Variants in MEGF6 observed in about 807,000 individuals in gnomAD.
MEGF6 encodes multiple epidermal growth factor-like domains protein 6.
In MEGF6, 184 loss-of-function variants were observed where a neutral mutation model predicts 207.1. That is an observed-to-expected ratio of 0.89 (90% CI 0.79 to 1.00). The LOEUF is 1.00. Among genes scored for constraint, MEGF6 ranks in the 50% least tolerant of loss-of-function variants. The probability of loss-of-function intolerance (pLI) is 0.00; values close to 1 mark genes in which losing one functional copy is unlikely to be tolerated. For synonymous variants in MEGF6, 1,038 were observed against 910.0 expected (o/e 1.14, Z -2.53); for missense variants, 2,282 against 2,202.9 (o/e 1.04, Z -0.72).
rs1640308956 is a variant in MEGF6 at position 3,490,557 on chromosome 1, ATGTGGGT to A, written c.4590_4596del (p.Arg1530SerfsTer32). On this transcript the variant is annotated frameshift_variant, in exon 37 of 37. Transcript: ENST00000356575. LOFTEE classifies it low-confidence loss of function (END_TRUNC). Reference sequence around the variant, plus strand: ...TGCCTCGCTGGTCCACCGCTCCGGGATGTGGGTCTGCTGGAGGCGGGCAGTGTGCCCG... The same window carrying A: ...TGCCTCGCTGGTCCACCGCTCCGGGACTGCTGGAGGCGGGCAGTGTGCCCG... 6.2e-7 allele frequency: 1 copy of A among 1,613,188 alleles called. No homozygotes were observed. Among genetic ancestry groups the A allele is most frequent in the Non-Finnish European group, 8.5e-7 (1 of 1,179,882 alleles).
At chr1:3,597,976 A>G (rs2101859390) in intron 2 of MEGF6, among the ~76,000 whole-genome samples, 1 of 152,296 alleles carries the variant, frequency 6.6e-6, no homozygotes, top group East Asian at 1.9e-4. Context: ...CAGCGGGAGG[A>G]TGGAGACAGA....
chr1:3,521,876 G>A (rs759771132), intron 5 of MEGF6, among the ~76,000 whole-genome samples: 23 of 152,316 alleles, frequency 1.5e-4, no homozygotes, highest in South Asian at 4.1e-4. Flanking sequence ...GGTCTGGATG[G>A]TGCCCAAGCA....
At chr1:3,602,708 G>A (rs1378614277) in intron 1 of MEGF6, 108 bp from the exon 2 acceptor site, 3 of 1,450,958 alleles carry the variant, frequency 2.1e-6, no homozygotes, top group Non-Finnish European at 2.7e-6. Context: ...GTGAGGTCCA[G>A]ACCCGTGGCC....
intron 1 of MEGF6, among the ~76,000 whole-genome samples, chr1:3,609,622 GC>G (rs1271959625): frequency 2.6e-5 from 4 of 152,242 alleles, no homozygotes; most frequent in Admixed American, 6.5e-5. Flanking sequence ...AGGAGGGGAG[GC>G]TTGGAGAAAG....
At chr1:3,584,134 C>G (rs1199091752) in intron 3 of MEGF6, among the ~76,000 whole-genome samples, 1 of 152,226 alleles carries the variant, frequency 6.6e-6, no homozygotes, top group East Asian at 1.9e-4. Context: ...GTGCCACCGG[C>G]GCAGGACGGC....
chr1:3,500,679 G>A lies in MEGF6; in HGVS notation c.2661C>T (p.Gly887=). The change falls in exon 21 of 37, where the codon GGC becomes GGT. Residue 887 remains glycine (G), a synonymous_variant. Coordinates refer to ENST00000356575, the MANE Select transcript of MEGF6 (RefSeq NM_001409.4). ...CGTAGCCAGCCTCACACAGACACAG[G>A]CCGCTGATGGCATCACAGCTCCCGT... The part of the protein sequence containing the change: ...AGHGSCDAIS[G]LCLCEAGYVG... The A allele has an allele frequency of 1.3e-6, 2 of 1,574,316 alleles. No homozygotes were observed. Among genetic ancestry groups the A allele is most frequent in the South Asian group, 1.2e-5 (1 of 86,370 alleles).
intron 4 of MEGF6, among the ~76,000 whole-genome samples, chr1:3,529,470 T>C (rs1642075102): frequency 6.6e-6 from 1 of 152,170 alleles, no homozygotes; most frequent in Non-Finnish European, 1.5e-5. Context: ...GGGGGAGCCA[T>C]CTGGTGAGAG....
rs1458341528 is a variant in MEGF6, at chr1:3,509,238, C to T, written c.1365G>A (p.Glu455=). 12 of 1,501,746 alleles carry T rather than the reference C, an allele frequency of 8.0e-6. No individual in the cohort carries two copies. Among genetic ancestry groups the T allele is most frequent in the African/African-American group, 2.9e-5 (2 of 69,938 alleles). 93.0% of individuals were successfully genotyped at this position (1,501,746 alleles called of 1,614,324 possible). A position where few individuals can be genotyped will look rare whatever the true frequency, so the allele number is the denominator to read the frequency against. The stretch of plus-strand genomic sequence containing the variant: ...CGCCGTCCAGGTCCACCATCGGCTC[C>T]TCCAGGGCTGCCAGGGGCACAGAGG... The part of the protein sequence containing the change: ...HEDRRGCSPL[E]EPMVDLDGEL... The change falls in exon 12 of 37, where the codon GAG becomes GAA. Residue 455 remains glutamate (E), a synonymous_variant. Coordinates refer to ENST00000356575, the MANE Select transcript of MEGF6 (RefSeq NM_001409.4).
At chr1:3,599,865 G>A (rs1401688556) in intron 2 of MEGF6, among the ~76,000 whole-genome samples, 1 of 152,200 alleles carries the variant, frequency 6.6e-6, no homozygotes, top group Non-Finnish European at 1.5e-5. Flanking sequence ...CCGTTTCTGG[G>A]CTGTGCCAGG....
intron 5 of MEGF6, among the ~76,000 whole-genome samples, chr1:3,516,512 G>A (rs1641547068): frequency 6.6e-6 from 1 of 152,218 alleles, no homozygotes. Context: ...TCTCAGAGTG[G>A]GGAGGCTTCT....
At chr1:3,530,019 C>T (rs929700335) in intron 4 of MEGF6, among the ~76,000 whole-genome samples, 22 of 152,252 alleles carry the variant, frequency 1.4e-4, no homozygotes, top group African/African-American at 4.6e-4. Context: ...AAAGCTGGAG[C>T]ACGCTTTAGA....
At chr1:3,492,788 G>C in intron 34 of MEGF6, 21 bp from the exon 35 acceptor site, 1 of 1,600,462 alleles carries the variant, frequency 6.2e-7, no homozygotes. Flanking sequence ...GAGGGGGCGG[G>C]AGACAAACCT....
chr1:3,588,742 C>A (rs1643933604), intron 3 of MEGF6, among the ~76,000 whole-genome samples: 1 of 152,058 alleles, frequency 6.6e-6, no homozygotes, highest in Non-Finnish European at 1.5e-5. Flanking sequence ...GCTCTCTAGA[C>A]TCAGTTCTTG....
At chr1:3,561,657 G>A (rs550352073) in intron 4 of MEGF6, among the ~76,000 whole-genome samples, 5 of 152,166 alleles carry the variant, frequency 3.3e-5, no homozygotes, top group African/African-American at 4.8e-5. Flanking sequence ...GTTCCCGCCC[G>A]CATCCTGGGT....
chr1:3,531,071 G>A (rs1338654568), intron 4 of MEGF6: 44 of 1,512,676 alleles, frequency 2.9e-5, no homozygotes, highest in African/African-American at 1.6e-4. Context: ...AGGCTCGCCC[G>A]GCGCCCACCT....
At chr1:3,545,057 C>T (rs1214581918) in intron 4 of MEGF6, among the ~76,000 whole-genome samples, 5 of 152,122 alleles carry the variant, frequency 3.3e-5, no homozygotes, top group African/African-American at 7.2e-5. Context: ...CATGGCTTGG[C>T]GGCGGGGCCA....
chr1:3,496,855 A>G lies in MEGF6; in HGVS notation c.3614-72T>C. ...CCAGTGCCCCTGAACACAGCAAGGCAGCTCTCATGAGACCCCCACACCCTC... is the reference window on the plus strand; with the variant it reads ...CCAGTGCCCCTGAACACAGCAAGGCGGCTCTCATGAGACCCCCACACCCTC... On this transcript the variant is annotated intron_variant, in intron 28 of 36. Coordinates refer to ENST00000356575, the MANE Select transcript of MEGF6 (RefSeq NM_001409.4). 2.0e-6 allele frequency: 3 copies of G among 1,524,320 alleles called. No individual in the cohort carries two copies. In the South Asian group the frequency reaches 3.7e-5, roughly 19 times the overall value. 94.4% of individuals were successfully genotyped at this position (1,524,320 alleles called of 1,614,324 possible).
rs1247079472 is a variant in MEGF6 at position 3,560,133 on chromosome 1, CT to C, written c.481+19691del. Among the ~76,000 whole-genome samples, 298 of 144,216 alleles carry C rather than the reference CT, an allele frequency of 2.1e-3. No homozygotes were observed. Among genetic ancestry groups the C allele is most frequent in the Middle Eastern group, 0.011 (3 of 280 alleles). The allele number at this position is 144,216 out of a possible 152,430, so 94.6% of individuals were successfully genotyped here. On this transcript the variant is annotated intron_variant, in intron 4 of 36. Coordinates refer to ENST00000356575, the MANE Select transcript of MEGF6 (RefSeq NM_001409.4). This position sits in a 1 kb window ranked among gnomAD's most constrained non-coding sequence, Gnocchi z 4.0. ...GTCCCAGAGGGCAAAGAAGGCTGGG[CT>C]TTTTTTTTTTCTTTTAACTAATAGA... is the stretch of plus-strand genomic sequence containing the variant.
At chr1:3,535,573 GC>G in intron 4 of MEGF6, among the ~76,000 whole-genome samples, 1 of 152,168 alleles carries the variant, frequency 6.6e-6, no homozygotes, top group South Asian at 2.1e-4. Context: ...CTCATCTGCT[GC>G]CCCATGCCCA....
Sources: gnomAD v4.1 joint callset for allele counts (sites outside exome capture counted in the v4.1 genomes callset) on GRCh38, gnomAD v4.1.1 for gene constraint, Gnocchi (gnomAD v3.1) non-coding constraint, MANE v1.5 for transcripts, NCBI Gene and HGNC (gene_info 2026-07-23, HGNC 2026-07-21) for gene names.